The following NCAN variants were observed in gnomAD, a reference collection of about 807,000 sequenced individuals.
NCAN encodes neurocan core protein.
In NCAN, 47 loss-of-function variants were observed where a neutral mutation model predicts 121.8. The observed-to-expected ratio is 0.39, with a 90% CI of 0.31 to 0.49. The LOEUF (loss-of-function observed/expected upper bound fraction) is 0.49. Among genes scored for constraint, NCAN ranks in the 20% least tolerant of loss-of-function variants. NCAN has a pLI of 0.92. For synonymous variants in NCAN, 633 were observed against 702.0 expected, an observed-to-expected ratio of 0.90 and a Z score of 1.55; for missense variants, 1,517 against 1,773.4, an observed-to-expected ratio of 0.86 and a Z score of 2.60.
intron 10 of NCAN, 78 bp downstream of exon 10, chr19:19,235,174 C>G: frequency 1.2e-6 from 1 of 812,372 alleles, no homozygotes; most frequent in Non-Finnish European, 2.0e-6. Flanking sequence ...CCACATACTC[C>G]AGGTCCCTGC....
rs771747251 is a variant in NCAN, at chr19:19,219,123, G to C, written c.282G>C (p.Leu94=). 6.2e-7 allele frequency: 1 copy of C among 1,613,484 alleles called. No homozygotes were observed. Among genetic ancestry groups the C allele is most frequent in the South Asian group, 1.1e-5 (1 of 91,000 alleles). The change falls in exon 3 of 15, where the codon CTG becomes CTC. Residue 94 remains leucine, a synonymous_variant. Transcript: ENST00000252575. ...ASGQRQDLPI[L]VAKDNVVRVA... is the part of the protein sequence containing the mutation. ...GCCAGCGACAGGACTTGCCCATCCT[G>C]GTGGCCAAGGACAATGTCGTGAGGG...
At chr19:19,215,332 C>A (rs915269299) in intron 1 of NCAN, among the ~76,000 whole-genome samples, 5 of 152,186 alleles carry the variant, frequency 3.3e-5, no homozygotes, top group African/African-American at 1.2e-4. Flanking sequence ...TCTGCGCCCA[C>A]CTCCTGAGCC....
rs1280888831 is a variant in NCAN, at chr19:19,225,952, CAG to C, written c.1073-531_1073-530del. On this transcript the variant is annotated intron_variant, in intron 6 of 14. Coordinates refer to ENST00000252575, the MANE Select transcript of NCAN (RefSeq NM_004386.3). The surrounding 1 kb of genome is among the most constrained non-coding windows in gnomAD (Gnocchi z 4.0). ...TCTTTTTTTCTTTTTTCTTTTGAGA[CAG>C]AGTCTCACTCTGTCACCCAGGCTGG... Among the ~76,000 whole-genome samples, 2 of 152,130 alleles carry C rather than the reference CAG, an allele frequency of 1.3e-5. No homozygotes were observed. The highest frequency in any genetic ancestry group is 4.8e-5 in the African/African-American group (2 of 41,418).
Position 19,225,090 on chromosome 19 carries a change from C to T in NCAN, c.892C>T (p.His298Tyr). The change falls in exon 6 of 15, where the codon CAT becomes TAT. Residue 298 changes from histidine to tyrosine, a missense_variant. Transcript: ENST00000252575. The surrounding 1 kb of genome is among the most constrained non-coding windows in gnomAD (Gnocchi z 4.0). ...GGTGGGACAGCTGCACCTGGCCTGG[C>T]ATGAGGGCCTGGACCAGTGCGACCC... ...ASVGQLHLAW[H>Y]EGLDQCDPGW... is the part of the protein sequence containing the mutation. 1 of 1,534,006 alleles carries T rather than the reference C, an allele frequency of 6.5e-7. No individual in the cohort carries two copies. The highest frequency in any genetic ancestry group is 8.7e-7 in the Non-Finnish European group (1 of 1,148,252).
chr19:19,215,766 G>T lies in NCAN; in HGVS notation c.-7-1181G>T, dbSNP rs552606521. Reference sequence around the variant, plus strand: ...AGATTAAAGGATGGCTTAGAGGCCAGCCTGCTGCCTGGACTGAGGATGCTG... The same window carrying T: ...AGATTAAAGGATGGCTTAGAGGCCATCCTGCTGCCTGGACTGAGGATGCTG... On this transcript the variant is annotated intron_variant, in intron 1 of 14. Coordinates refer to ENST00000252575, the MANE Select transcript of NCAN (RefSeq NM_004386.3). Among the ~76,000 whole-genome samples the T allele has an allele frequency of 4.7e-3, 715 of 152,324 alleles. 3 individuals are homozygous for T. The highest frequency in any genetic ancestry group is 7.1e-3 in the Non-Finnish European group (483 of 68,026).
intron 3 of NCAN, among the ~76,000 whole-genome samples, chr19:19,222,800 T>G (rs774781755): frequency 6.6e-6 from 1 of 150,830 alleles, no homozygotes; most frequent in Non-Finnish European, 1.5e-5. Flanking sequence ...AGGACCACAT[T>G]TCCAGGCCAG....
At chr19:19,226,077 G>A (rs1286235981) in intron 6 of NCAN, among the ~76,000 whole-genome samples, 1 of 152,132 alleles carries the variant, frequency 6.6e-6, no homozygotes, top group African/African-American at 2.4e-5. Context: ...CTACAGGAAT[G>A]TGCCACCATG....
chr19:19,226,982 G>GT lies in NCAN; in HGVS notation c.1571dup (p.Leu524PhefsTer20). 6.5e-7 allele frequency: 1 copy of GT among 1,539,170 alleles called. No individual in the cohort carries two copies. ...CTGCAGTGAACCAAATGGAGCCTCC[G>GT]TTGGCCATGGCAGTCACAGAGATGT... On this transcript the variant is annotated frameshift_variant, in exon 7 of 15. Transcript: ENST00000252575. LOFTEE classifies it high-confidence loss of function.
chr19:19,231,038 G>A (rs577334656), intron 8 of NCAN, among the ~76,000 whole-genome samples: 1 of 152,004 alleles, frequency 6.6e-6, no homozygotes, highest in East Asian at 1.9e-4. Context: ...GAGCCGTAGC[G>A]CCGGGCAGTT....
chr19:19,226,300 T>C (rs1342397096), intron 6 of NCAN, among the ~76,000 whole-genome samples, 186 bp from the exon 7 acceptor site: 2 of 152,118 alleles, frequency 1.3e-5, no homozygotes, highest in Non-Finnish European at 1.5e-5. Context: ...GTCTCCAGCC[T>C]GAACAGTGGA....
intron 8 of NCAN, among the ~76,000 whole-genome samples, chr19:19,230,731 CTTT>C (rs1214694253): frequency 7.6e-6 from 1 of 131,796 alleles, no homozygotes; most frequent in Admixed American, 7.7e-5. Flanking sequence ...TTTTTTTTTC[CTTT>C]TTTTTTTTTT....
In NCAN at chr19:19,250,277, A is replaced by G. The variant is rs1159576245; in HGVS notation, c.*366A>G. On this transcript the variant is annotated 3_prime_UTR_variant, in exon 15 of 15. Transcript: ENST00000252575. The stretch of plus-strand genomic sequence containing the variant: ...TGTATGTTTGCATTCACATGAAGGA[A>G]TTGCTTTTCACACCAGAAATTCAGA... 6 of 404,192 alleles carry G rather than the reference A, an allele frequency of 1.5e-5. No homozygotes were observed. In the East Asian group the frequency reaches 3.9e-4, roughly 26 times the overall value. 25.0% of individuals were successfully genotyped at this position (404,192 alleles called of 1,614,324 possible).
In NCAN at chr19:19,225,118, G is replaced by C; in HGVS notation, c.920G>C (p.Gly307Ala). 1 of 1,532,614 alleles carries C rather than the reference G, an allele frequency of 6.5e-7. No individual in the cohort carries two copies. Among genetic ancestry groups the C allele is most frequent in the Non-Finnish European group, 8.7e-7 (1 of 1,148,496 alleles). The allele number at this position is 1,532,614 out of a possible 1,614,324, so 94.9% of individuals were successfully genotyped here. Residue 307 changes from glycine to alanine, a missense_variant, in exon 6 of 15, where the codon GGC becomes GCC. Gly to Ala is a moderately conservative substitution (Grantham distance 60). Coordinates refer to ENST00000252575, the MANE Select transcript of NCAN (RefSeq NM_004386.3). The surrounding 1 kb of genome is among the most constrained non-coding windows in gnomAD (Gnocchi z 4.0). ...WHEGLDQCDP[G>A]WLADGSVRYP... ...GAGGGCCTGGACCAGTGCGACCCGG[G>C]CTGGCTGGCCGACGGCAGCGTGCGC...
At chr19:19,231,608 G>A (rs1165284985) in intron 8 of NCAN, among the ~76,000 whole-genome samples, 10 of 152,050 alleles carry the variant, frequency 6.6e-5, no homozygotes, top group Admixed American at 1.3e-4. Flanking sequence ...GATTACAGGC[G>A]TGAGCCACCG....
At position 19,227,300 on chromosome 19, in the gene NCAN, C is replaced by G. The variant is rs2060841046; in HGVS notation, c.1680C>G (p.Ser560Arg). 2 of 1,557,458 alleles carry G rather than the reference C, an allele frequency of 1.3e-6. No individual in the cohort carries two copies. ...TTGCAGGTTCTGCTGGTGGCAAGAG[C>G]TCCCCAGAGCCCTGGCTGTGGCCCC... ...MPGAGSAGGK[S>R]SPEPWLWPPT... is the part of the protein sequence containing the mutation. The change falls in exon 8 of 15, where the codon AGC becomes AGG. Residue 560 changes from serine to arginine, a missense_variant. Transcript: ENST00000252575. The surrounding 1 kb of genome is among the most constrained non-coding windows in gnomAD (Gnocchi z 4.2).
chr19:19,244,710 T>TTTTTTC (rs2060917829), intron 12 of NCAN, among the ~76,000 whole-genome samples: 1 of 150,350 alleles, frequency 6.7e-6, no homozygotes, highest in Non-Finnish European at 1.5e-5. Context: ...ACCATGTATC[T>TTTTTTC]TTTTTCTTTT....
At chr19:19,244,225 G>T (rs2060915393) in intron 12 of NCAN, among the ~76,000 whole-genome samples, 1 of 151,428 alleles carries the variant, frequency 6.6e-6, no homozygotes, top group Non-Finnish European at 1.5e-5. Flanking sequence ...TCCTCAAGCA[G>T]AACAAGTTCA....
chr19:19,235,026 C>T lies in NCAN; in HGVS notation c.3180C>T (p.Thr1060=), dbSNP rs1421166679. The T allele has an allele frequency of 1.4e-5, 22 of 1,612,434 alleles. No homozygotes were observed. Among genetic ancestry groups the T allele is most frequent in the Non-Finnish European group, 1.9e-5 (22 of 1,178,918 alleles). Residue 1060 remains threonine, a synonymous_variant, in exon 10 of 15, where the codon ACC becomes ACT. Coordinates refer to ENST00000252575, the MANE Select transcript of NCAN (RefSeq NM_004386.3). ...GCAGCCCCTGTGAGAATGGAGGCAC[C>T]TGTATTGATGAGGTCAATGGCTTTG... ...CLCSPCENGG[T]CIDEVNGFVC... is the part of the protein sequence containing the mutation.
At position 19,238,388 on chromosome 19, in the gene NCAN, C is replaced by G. The variant is rs376485040; in HGVS notation, c.3386C>G (p.Pro1129Arg). ...GGCCACCTGACCAGCGTCCACTCAC[C>G]GGAGGAACACAGCTTCATTAATAGT... ...RSGHLTSVHSPEEHSFINSFG... is the reference protein window; with the variant it reads ...RSGHLTSVHSREEHSFINSFG... Residue 1129 changes from proline to arginine, a missense_variant, in exon 11 of 15, where the codon CCG becomes CGG. Transcript: ENST00000252575. 2 of 1,614,058 alleles carry G rather than the reference C, an allele frequency of 1.2e-6. No homozygotes were observed. Among genetic ancestry groups the G allele is most frequent in the Non-Finnish European group, 1.7e-6 (2 of 1,180,052 alleles).
Sources: allele counts gnomAD v4.1 joint callset (sites outside exome capture counted in the v4.1 genomes callset), GRCh38; gene constraint gnomAD v4.1.1; non-coding constraint Gnocchi (gnomAD v3.1); transcripts MANE v1.5; gene names NCBI Gene and HGNC (gene_info 2026-07-23, HGNC 2026-07-21).